Variants in RERE observed in about 807,000 individuals in gnomAD.
RERE encodes the protein arginine-glutamic acid dipeptide repeats.
Under a neutral mutation model 146.1 loss-of-function variants are expected in RERE, and 40 were observed. That is an observed-to-expected ratio of 0.27 (90% CI 0.21 to 0.36). The LOEUF (loss-of-function observed/expected upper bound fraction) is 0.36, where lower values mean the gene tolerates loss of function less well. Ranked by LOEUF, RERE falls within the 10% of genes least tolerant of loss-of-function variation. The pLI, the probability that RERE is intolerant of heterozygous loss-of-function variation, is 1.00. For synonymous variants in RERE, 1,003 were observed against 866.0 expected, an observed-to-expected ratio of 1.16 and a Z score of -2.78; for missense variants, 1,933 against 2,138.7, an observed-to-expected ratio of 0.90 and a Z score of 1.90.
chr1:8,624,355 C>T lies in RERE; in HGVS notation c.351G>A (p.Arg117=), dbSNP rs1646950073. Residue 117 remains arginine, a synonymous_variant, in exon 3 of 23, where the codon AGG becomes AGA. Coordinates refer to ENST00000400908, the MANE Select transcript of RERE (RefSeq NM_001042681.2). ...PGDCVYIESR[R]PNTPYFICSI... is the part of the protein sequence containing the mutation. ...TACAGATGAAATACGGTGTGTTTGG[C>T]CTCCGACTCTCGATATACACACAGT... 1 of 1,611,126 alleles carries T rather than the reference C, an allele frequency of 6.2e-7. No homozygotes were observed. Among genetic ancestry groups the T allele is most frequent in the Admixed American group, 1.7e-5 (1 of 59,964 alleles).
intron 1 of RERE, among the ~76,000 whole-genome samples, chr1:8,714,786 A>G (rs186821885): frequency 5.3e-5 from 8 of 152,256 alleles, no homozygotes; most frequent in African/African-American, 1.9e-4. Context: ...TGATTTAGAG[A>G]CGGGGCATAC....
intron 1 of RERE, among the ~76,000 whole-genome samples, chr1:8,682,565 T>C (rs1027046842): frequency 2.0e-5 from 3 of 152,238 alleles, no homozygotes; most frequent in African/African-American, 7.2e-5. Flanking sequence ...AGTGTATTTC[T>C]TGATTTCTTT....
chr1:8,800,277 T>C (rs1055173209), intron 1 of RERE, among the ~76,000 whole-genome samples: 3 of 146,368 alleles, frequency 2.0e-5, no homozygotes, highest in African/African-American at 7.6e-5. Flanking sequence ...AAAAAATACA[T>C]AAATTAAATG....
chr1:8,726,085 A>G (rs1327048557), intron 1 of RERE, among the ~76,000 whole-genome samples: 1 of 151,980 alleles, frequency 6.6e-6, no homozygotes, highest in Non-Finnish European at 1.5e-5. Flanking sequence ...AATGTCTGAA[A>G]AGCAAACTCA....
intron 12 of RERE, among the ~76,000 whole-genome samples, chr1:8,416,997 G>A (rs374415185): frequency 1.3e-5 from 2 of 152,188 alleles, no homozygotes; most frequent in Non-Finnish European, 2.9e-5. Flanking sequence ...GAGGGACAAG[G>A]TTTAAAAACA....
intron 1 of RERE, among the ~76,000 whole-genome samples, chr1:8,771,770 C>CG (rs1278586029): frequency 2.0e-5 from 3 of 151,352 alleles, no homozygotes; most frequent in Non-Finnish European, 4.4e-5. Context: ...ATTAGCCAGG[C>CG]GCGGTGGCGG....
At chr1:8,381,138 C>A in intron 12 of RERE, 1 of 381,096 alleles carries the variant, frequency 2.6e-6, no homozygotes, top group Non-Finnish European at 5.3e-6. Context: ...GTTTCCGATG[C>A]GCCTGTTTCC....
At position 8,648,171 on chromosome 1, in the gene RERE, T is replaced by A. The variant is rs564286125; in HGVS notation, c.325+7802A>T. Among the ~76,000 whole-genome samples, 38 of 152,330 alleles carry A rather than the reference T, an allele frequency of 2.5e-4. No individual in the cohort carries two copies. In the South Asian group the frequency reaches 7.7e-3, roughly 31 times the overall value. ...GTTGTGGCTGTTTTAAAATTTTCTATAAAAGGAATTATACAGTATTATGCT... is the reference window on the plus strand; with the variant it reads ...GTTGTGGCTGTTTTAAAATTTTCTAAAAAAGGAATTATACAGTATTATGCT... On this transcript the variant is annotated intron_variant, in intron 2 of 22. Transcript: ENST00000400908.
At chr1:8,460,930 A>G (rs1420908461) in intron 11 of RERE, among the ~76,000 whole-genome samples, 2 of 152,226 alleles carry the variant, frequency 1.3e-5, no homozygotes, top group Non-Finnish European at 2.9e-5. Flanking sequence ...AAAGAATTCA[A>G]TTAGCATCCC....
intron 6 of RERE, among the ~76,000 whole-genome samples, chr1:8,544,714 G>A (rs1352339352): frequency 6.6e-6 from 1 of 152,090 alleles, no homozygotes; most frequent in African/African-American, 2.4e-5. Context: ...TTCTGAAAAT[G>A]TACACTTAAA....
intron 2 of RERE, among the ~76,000 whole-genome samples, chr1:8,639,020 A>G (rs6577510): frequency 0.85 from 128,759 of 151,998 alleles, 54,840 homozygotes; most frequent in East Asian, 0.94. Flanking sequence ...TTATCCTCCC[A>G]TCTCGGCCTC....
intron 1 of RERE, among the ~76,000 whole-genome samples, chr1:8,801,529 A>G (rs1416842564): frequency 6.6e-6 from 1 of 152,134 alleles, no homozygotes; most frequent in Non-Finnish European, 1.5e-5. Flanking sequence ...TTGGCCTCCC[A>G]AAGTGCTGGG....
intron 12 of RERE, among the ~76,000 whole-genome samples, chr1:8,402,841 G>A (rs1366441608): frequency 6.6e-6 from 1 of 152,160 alleles, no homozygotes; most frequent in Non-Finnish European, 1.5e-5. Context: ...ATATTCACCT[G>A]TAAAACTGCC....
At chr1:8,513,053 T>C (rs974346573) in intron 7 of RERE, 4 of 152,162 alleles carry the variant, frequency 2.6e-5, no homozygotes, top group Non-Finnish European at 5.9e-5. Flanking sequence ...AGCAAACTTT[T>C]AGGAGCCCCT....
intron 10 of RERE, among the ~76,000 whole-genome samples, chr1:8,480,725 C>T (rs902108206): frequency 6.6e-6 from 1 of 152,154 alleles, no homozygotes; most frequent in African/African-American, 2.4e-5. Flanking sequence ...CACGAGCCAC[C>T]GCATCCGGCC....
At chr1:8,644,692 G>A (rs1278766125) in intron 2 of RERE, among the ~76,000 whole-genome samples, 2 of 151,986 alleles carry the variant, frequency 1.3e-5, no homozygotes. Flanking sequence ...TTTCCTTATG[G>A]ACTATGTTGC....
At position 8,546,978 on chromosome 1, in the gene RERE, T is replaced by C. The variant is rs570532259; in HGVS notation, c.726-5660A>G. On this transcript the variant is annotated intron_variant, in intron 6 of 22. Coordinates refer to ENST00000400908, the MANE Select transcript of RERE (RefSeq NM_001042681.2). ...AAGACAAAAAAGGGGATATGAACAA[T>C]GGTAAAACATCCATGTTCTTAGATA... Among the ~76,000 whole-genome samples, 26 of 150,710 alleles carry C rather than the reference T, an allele frequency of 1.7e-4. No homozygotes were observed. In the East Asian group the frequency reaches 5.0e-3, roughly 29 times the overall value.
rs34547801 is a variant in RERE, at chr1:8,529,287, C to CTTTTTTTTTTTTT, written c.830+11914_830+11926dup. On this transcript the variant is annotated intron_variant, in intron 7 of 22. Coordinates refer to ENST00000400908, the MANE Select transcript of RERE (RefSeq NM_001042681.2). Reference sequence around the variant, plus strand: ...CCTCCACAACCATCAGTTCTCCCTTCTTTTTTTTTTTTTTTTTTTTGAGAT... The same window carrying CTTTTTTTTTTTTT: ...CCTCCACAACCATCAGTTCTCCCTTCTTTTTTTTTTTTTTTTTTTTTTTTTTTTTTTTTGAGAT... Among the ~76,000 whole-genome samples the CTTTTTTTTTTTTT allele has an allele frequency of 1.2e-3, 125 of 102,422 alleles. 4 individuals carry two copies. The highest frequency in any genetic ancestry group is 3.5e-3 in the African/African-American group (91 of 26,048). 67.2% of individuals were successfully genotyped at this position (102,422 alleles called of 152,430 possible).
chr1:8,536,837 T>A (rs1021121103), intron 7 of RERE, among the ~76,000 whole-genome samples: 2 of 152,148 alleles, frequency 1.3e-5, no homozygotes, highest in Non-Finnish European at 2.9e-5. Flanking sequence ...GGCTCTCTCA[T>A]TTTTCACAAT....
Sources: allele counts gnomAD v4.1 joint callset (sites outside exome capture counted in the v4.1 genomes callset), GRCh38; gene constraint gnomAD v4.1.1; transcripts MANE v1.5; gene names NCBI Gene and HGNC (gene_info 2026-07-23, HGNC 2026-07-21).